Variants in PARD3B observed in about 807,000 individuals in gnomAD.
PARD3B encodes the protein par-3 family cell polarity regulator beta, also known as partitioning defective 3 homolog B.
Under a neutral mutation model 130.2 loss-of-function variants are expected in PARD3B, and 103 were observed. The ratio of observed to expected loss-of-function variants is 0.79; its 90% CI spans 0.67 to 0.93. The LOEUF is 0.93. Among genes scored for constraint, PARD3B ranks in the 40% least tolerant of loss-of-function variants. PARD3B has a pLI of 0.00. For synonymous variants in PARD3B, 583 were observed against 553.2 expected (o/e 1.05, Z -0.76); for missense variants, 1,609 against 1,499.2 (o/e 1.07, Z -1.21).
chr2:205,523,430 G>C (rs1421730027), intron 21 of PARD3B, among the ~76,000 whole-genome samples: 1 of 151,530 alleles, frequency 6.6e-6, no homozygotes, highest in Non-Finnish European at 1.5e-5. Context: ...TTTTAATAGA[G>C]ACGGGGTTTC....
At chr2:204,672,681 A>T (rs2036362195) in intron 1 of PARD3B, among the ~76,000 whole-genome samples, 1 of 152,122 alleles carries the variant, frequency 6.6e-6, no homozygotes, top group Non-Finnish European at 1.5e-5. Flanking sequence ...TTTCTTCCCA[A>T]ATTTTTGACG....
intron 2 of PARD3B, among the ~76,000 whole-genome samples, chr2:204,893,083 A>G (rs1435053854): frequency 2.0e-5 from 3 of 152,288 alleles, no homozygotes; most frequent in Admixed American, 6.5e-5. Flanking sequence ...TCCAGTATCT[A>G]TGTGTCAGAG....
chr2:204,847,170 CTTTT>C (rs528059401), intron 2 of PARD3B, among the ~76,000 whole-genome samples: 1 of 135,666 alleles, frequency 7.4e-6, no homozygotes. Context: ...AACTTTCTTT[CTTTT>C]TTTTTTTTTT....
intron 20 of PARD3B, among the ~76,000 whole-genome samples, chr2:205,455,462 A>C (rs1189647627): frequency 2.6e-5 from 4 of 151,034 alleles, no homozygotes; most frequent in African/African-American, 7.4e-5. Flanking sequence ...TTTGTCATTA[A>C]GATTGCGATT....
rs1198943116 is a variant in PARD3B, at chr2:205,291,129, G to C, written c.2186-9401G>C. ...AAACAGCTTTGAAACTGGGTAATGG[G>C]TGGAGGCTGAAAGAGTTTTTAAGTG... On this transcript the variant is annotated intron_variant, in intron 16 of 22. Transcript: ENST00000406610. This position sits in a 1 kb window ranked among gnomAD's most constrained non-coding sequence, Gnocchi z 4.6. Among the ~76,000 whole-genome samples the C allele has an allele frequency of 6.6e-6, 1 of 152,154 alleles. No individual in the cohort carries two copies. The highest frequency in any genetic ancestry group is 1.5e-5 in the Non-Finnish European group (1 of 68,024).
intron 3 of PARD3B, among the ~76,000 whole-genome samples, chr2:204,988,038 T>C (rs1430778693): frequency 6.6e-6 from 1 of 150,926 alleles, no homozygotes; most frequent in Non-Finnish European, 1.5e-5. Context: ...ACACCTAGAG[T>C]CCAGTGGGGG....
At chr2:204,658,659 A>G (rs1339832613) in intron 1 of PARD3B, among the ~76,000 whole-genome samples, 1 of 152,140 alleles carries the variant, frequency 6.6e-6, no homozygotes, top group Non-Finnish European at 1.5e-5. Context: ...AGGACTTAAC[A>G]CAGGTTATTT....
chr2:204,713,834 G>GT (rs58274605), intron 2 of PARD3B, among the ~76,000 whole-genome samples: 2 of 151,744 alleles, frequency 1.3e-5, no homozygotes, highest in African/African-American at 2.4e-5. Flanking sequence ...GTTGCCTTGT[G>GT]TTTTTTTTCT....
intron 2 of PARD3B, among the ~76,000 whole-genome samples, chr2:204,927,028 A>C (rs1400372017): frequency 6.6e-6 from 1 of 152,138 alleles, no homozygotes; most frequent in Non-Finnish European, 1.5e-5. Context: ...ATACCCCCCC[A>C]AAAAGAAATC....
intron 14 of PARD3B, among the ~76,000 whole-genome samples, chr2:205,191,866 G>C (rs1041891400): frequency 6.6e-6 from 1 of 152,066 alleles, no homozygotes; most frequent in Admixed American, 6.6e-5. Context: ...CTGGGGGAGG[G>C]TGGAGGAGAT....
chr2:205,000,639 A>T (rs1318227889), intron 3 of PARD3B, among the ~76,000 whole-genome samples: 1 of 152,184 alleles, frequency 6.6e-6, no homozygotes, highest in Non-Finnish European at 1.5e-5. Context: ...TTTATTTGAG[A>T]AATGTTGATC....
chr2:205,010,353 C>T (rs1367873403), intron 3 of PARD3B, among the ~76,000 whole-genome samples: 1 of 152,178 alleles, frequency 6.6e-6, no homozygotes, highest in East Asian at 1.9e-4. Flanking sequence ...ACTCCTCTTT[C>T]AATCTGTGTT....
chr2:205,512,989 CTT>C (rs34921395), intron 21 of PARD3B, among the ~76,000 whole-genome samples: 1 of 143,352 alleles, frequency 7.0e-6, no homozygotes. Context: ...TTTTTTCCTT[CTT>C]TTTTTTTTTT....
intron 22 of PARD3B, among the ~76,000 whole-genome samples, chr2:205,587,417 T>C (rs181654554): frequency 6.0e-4 from 91 of 152,344 alleles, no homozygotes; most frequent in African/African-American, 2.0e-3. Flanking sequence ...TATCTGATGG[T>C]TGACTATTGT....
intron 2 of PARD3B, among the ~76,000 whole-genome samples, chr2:204,803,716 A>C (rs1419313671): frequency 6.6e-6 from 1 of 152,170 alleles, no homozygotes; most frequent in Non-Finnish European, 1.5e-5. Context: ...ACAGATACAC[A>C]AAAAGAGGCA....
At chr2:205,537,164 A>G (rs2051899553) in intron 21 of PARD3B, among the ~76,000 whole-genome samples, 1 of 152,166 alleles carries the variant, frequency 6.6e-6, no homozygotes, top group African/African-American at 2.4e-5. Context: ...TGAGCCCACT[A>G]AAGCAATGCA....
At chr2:205,163,060 C>A (rs1200363718) in intron 11 of PARD3B, among the ~76,000 whole-genome samples, 2 of 152,138 alleles carry the variant, frequency 1.3e-5, no homozygotes, top group Non-Finnish European at 2.9e-5. Flanking sequence ...ATAGTGCTTT[C>A]TTTAAAGTTA....
intron 22 of PARD3B, among the ~76,000 whole-genome samples, chr2:205,615,130 C>T: frequency 6.6e-6 from 1 of 152,264 alleles, no homozygotes; most frequent in East Asian, 1.9e-4. Flanking sequence ...CTCTCATGCA[C>T]CAATGTGAAT....
intron 2 of PARD3B, among the ~76,000 whole-genome samples, chr2:204,953,306 T>G (rs1354800362): frequency 1.3e-5 from 2 of 152,110 alleles, no homozygotes; most frequent in Non-Finnish European, 2.9e-5. Flanking sequence ...TTTGTCTTTA[T>G]GGATTACAAT....
Sources: allele counts gnomAD v4.1 joint callset (sites outside exome capture counted in the v4.1 genomes callset), GRCh38; gene constraint gnomAD v4.1.1; non-coding constraint Gnocchi (gnomAD v3.1); transcripts MANE v1.5; gene names NCBI Gene and HGNC (gene_info 2026-07-23, HGNC 2026-07-21).